Variants in FAIM2 observed in about 807,000 individuals in gnomAD.
FAIM2 encodes Fas apoptotic inhibitory molecule 2.
A neutral mutation model predicts 47.4 loss-of-function variants in FAIM2; 27 were observed. The observed-to-expected ratio is 0.57, with a 90% CI of 0.42 to 0.78. FAIM2 has a LOEUF of 0.78. Ranked by LOEUF, FAIM2 falls within the 30% of genes least tolerant of loss-of-function variation. FAIM2 has a pLI of 0.00. For synonymous variants in FAIM2, 156 were observed against 159.3 expected, an observed-to-expected ratio of 0.98 and a Z score of 0.16; for missense variants, 311 against 389.4, an observed-to-expected ratio of 0.80 and a Z score of 1.69.
chr12:49,897,078 A>G lies in FAIM2; in HGVS notation c.387T>C (p.Pro129=), dbSNP rs777228833. Residue 129 remains proline (P), a synonymous_variant, in exon 5 of 12, where the codon CCT becomes CCC. Coordinates refer to ENST00000320634, the MANE Select transcript of FAIM2 (RefSeq NM_012306.4). ...GGTTGGCCTGGACATAGTCCTTGAC[A>G]GGGTCACTGCAGAGAAGAGAGAGTG... ...AVVALFTFCD[P]VKDYVQANPG... 1.2e-6 allele frequency: 2 copies of G among 1,613,408 alleles called. No individual in the cohort carries two copies. Among genetic ancestry groups the G allele is most frequent in the Admixed American group, 3.3e-5 (2 of 60,030 alleles).
intron 11 of FAIM2, among the ~76,000 whole-genome samples, chr12:49,879,357 CAT>C (rs1462263042): frequency 1.6e-5 from 2 of 128,230 alleles, no homozygotes; most frequent in Non-Finnish European, 3.3e-5. Context: ...CATGTGAGTG[CAT>C]GTGTGTGCAT....
At chr12:49,890,086 G>T (rs201426431) in intron 8 of FAIM2, 31 bp downstream of exon 8, 38 of 1,610,750 alleles carry the variant, frequency 2.4e-5, no homozygotes, top group Non-Finnish European at 3.1e-5. Context: ...CTGGCCTATG[G>T]TCCTTCTCTC....
At position 49,903,800 on chromosome 12, in the gene FAIM2, T is replaced by C; in HGVS notation, c.-8A>G. The C allele has an allele frequency of 6.5e-7, 1 of 1,542,354 alleles. No individual in the cohort carries two copies. The highest frequency in any genetic ancestry group is 1.2e-5 in the South Asian group (1 of 83,170). On this transcript the variant is annotated 5_prime_UTR_variant, in exon 1 of 12. Transcript: ENST00000320634. ...TACCTTTCCCTGGGTCATGGTGCCG[T>C]CTCTCGGGGAAGGGGTCCCTGAGGC...
chr12:49,900,071 AG>A, intron 2 of FAIM2: 1 of 498,860 alleles, frequency 2.0e-6, no homozygotes, highest in African/African-American at 2.0e-5. Flanking sequence ...CCAGGTGGCC[AG>A]GCCACAGAGG....
rs1565613363 is a variant in FAIM2, at chr12:49,878,600, G to GTGTATGTGTGCA, written c.802-7948_802-7947insTGCACACATACA. On this transcript the variant is annotated intron_variant, in intron 11 of 11. Coordinates refer to ENST00000320634, the MANE Select transcript of FAIM2 (RefSeq NM_012306.4). Reference sequence around the variant, plus strand: ...TGTATATGTACATGTGTATGTGTATGTGTGCATGTGTATGTGTGCATATGT... The same window carrying GTGTATGTGTGCA: ...TGTATATGTACATGTGTATGTGTATGTGTATGTGTGCATGTGCATGTGTATGTGTGCATATGT... Among the ~76,000 whole-genome samples, 657 of 124,324 alleles carry GTGTATGTGTGCA rather than the reference G, an allele frequency of 5.3e-3. 112 individuals are homozygous for GTGTATGTGTGCA. The highest frequency in any genetic ancestry group is 0.02 in the African/African-American group (614 of 30,028). 81.6% of individuals were successfully genotyped at this position (124,324 alleles called of 152,430 possible). A position where few individuals can be genotyped will look rare whatever the true frequency, so the allele number is the denominator to read the frequency against.
Position 49,874,581 on chromosome 12 carries a change from T to C in FAIM2, c.802-3928A>G, listed in dbSNP as rs1306897065. Among the ~76,000 whole-genome samples, 1 of 152,202 alleles carries C rather than the reference T, an allele frequency of 6.6e-6. No individual in the cohort carries two copies. The highest frequency in any genetic ancestry group is 1.9e-4 in the East Asian group (1 of 5,186). ...TATCTGGGGCCCAGGCTTATGTCCG[T>C]TGTCCTCCCTGAATGTGGCCCCAGA... On this transcript the variant is annotated intron_variant, in intron 11 of 11. Transcript: ENST00000320634. The surrounding 1 kb of genome is among the most constrained non-coding windows in gnomAD (Gnocchi z 4.2).
At chr12:49,903,469 T>A (rs914716766) in intron 1 of FAIM2, among the ~76,000 whole-genome samples, 1 of 152,120 alleles carries the variant, frequency 6.6e-6, no homozygotes, top group Non-Finnish European at 1.5e-5. Flanking sequence ...ACACATACAG[T>A]CACACCAGAC....
Position 49,868,848 on chromosome 12 carries a change from C to T in FAIM2, c.*1656G>A, listed in dbSNP as rs1946681978. 1 of 152,340 alleles carries T rather than the reference C, an allele frequency of 6.6e-6. No individual in the cohort carries two copies. The highest frequency in any genetic ancestry group is 2.1e-4 in the South Asian group (1 of 4,830). The allele number at this position is 152,340 out of a possible 1,614,324, so 9.4% of individuals were successfully genotyped here. ...GCCTTTGCTGCACACACACCACCCG[C>T]CAGTTCTTGGCTCCTTTTCTCTTCA... On this transcript the variant is annotated 3_prime_UTR_variant, in exon 12 of 12. Transcript: ENST00000320634.
intron 8 of FAIM2, 55 bp from the exon 9 acceptor site, chr12:49,889,623 C>A (rs1032903504): frequency 1.0e-5 from 15 of 1,452,518 alleles, no homozygotes; most frequent in African/African-American, 4.2e-5. Context: ...TGGTCTCCCC[C>A]ACCCTCCTAG....
At chr12:49,877,753 CGT>C (rs1946746832) in intron 11 of FAIM2, among the ~76,000 whole-genome samples, 1 of 151,762 alleles carries the variant, frequency 6.6e-6, no homozygotes, top group Admixed American at 6.6e-5. Context: ...TGTATATATA[CGT>C]GTGTATGTGC....
rs1202348677 is a variant in FAIM2 at position 49,873,411 on chromosome 12, A to C, written c.802-2758T>G. On this transcript the variant is annotated intron_variant, in intron 11 of 11. Transcript: ENST00000320634. ...CTGTGTTTGATTTGGATTCCCAAGCACATTTTCCTTCTGCAGAGAGAATGA... is the reference window on the plus strand; with the variant it reads ...CTGTGTTTGATTTGGATTCCCAAGCCCATTTTCCTTCTGCAGAGAGAATGA... 3.9e-5 allele frequency among the ~76,000 whole-genome samples: 6 copies of C among 152,128 alleles called. No homozygotes were observed. The East Asian group carries it at 1.2e-3, about 29-fold the overall frequency.
chr12:49,889,008 G>A, intron 10 of FAIM2, 99 bp downstream of exon 10: 1 of 864,918 alleles, frequency 1.2e-6, no homozygotes, highest in Non-Finnish European at 1.9e-6. Context: ...TGGGGCCTTG[G>A]CTCCTGGCCT....
At chr12:49,880,611 T>A (rs1946814325) in intron 11 of FAIM2, among the ~76,000 whole-genome samples, 1 of 114,086 alleles carries the variant, frequency 8.8e-6, no homozygotes, top group Admixed American at 9.4e-5. Context: ...TGTGTGCATG[T>A]GAGTGTATGT....
At chr12:49,894,146 G>A (rs967938133) in intron 5 of FAIM2, among the ~76,000 whole-genome samples, 9 of 152,196 alleles carry the variant, frequency 5.9e-5, no homozygotes, top group Admixed American at 2.6e-4. Context: ...CCACTTTAGC[G>A]AAACAAAAAT....
At position 49,870,521 on chromosome 12, in the gene FAIM2, C is replaced by T; in HGVS notation, c.934G>A (p.Gly312Ser). Reference sequence around the variant, plus strand: ...AGGGCTCCTCATTCTCGGTTAGTGCCAAAAAGCTGCAGGAAGAAGGTGAAG... The same window carrying T: ...AGGGCTCCTCATTCTCGGTTAGTGCTAAAAAGCTGCAGGAAGAAGGTGAAG... ...YIFTFFLQLF[G>S]TNRE Residue 312 changes from glycine to serine, a missense_variant, in exon 12 of 12, where the codon GGC becomes AGC. Coordinates refer to ENST00000320634, the MANE Select transcript of FAIM2 (RefSeq NM_012306.4). 4.3e-6 allele frequency: 7 copies of T among 1,613,752 alleles called. No individual in the cohort carries two copies. The highest frequency in any genetic ancestry group is 5.9e-6 in the Non-Finnish European group (7 of 1,179,840).
chr12:49,875,404 C>T (rs942420216), intron 11 of FAIM2, among the ~76,000 whole-genome samples: 14 of 152,162 alleles, frequency 9.2e-5, no homozygotes, highest in African/African-American at 3.1e-4. Context: ...TGTCCAGGTG[C>T]GCCGACTGGG....
At chr12:49,883,523 A>G (rs1946840591) in intron 11 of FAIM2, among the ~76,000 whole-genome samples, 1 of 152,084 alleles carries the variant, frequency 6.6e-6, no homozygotes, top group South Asian at 2.1e-4. Flanking sequence ...GGTTTTGTAC[A>G]TGTGAAGTCT....
intron 2 of FAIM2, among the ~76,000 whole-genome samples, chr12:49,898,950 A>T (rs1946961853): frequency 6.6e-6 from 1 of 152,042 alleles, no homozygotes; most frequent in African/African-American, 2.4e-5. Flanking sequence ...GGGGAAATAA[A>T]GCCAGGACAA....
rs780374364 is a variant in FAIM2, at chr12:49,874,393, C to G, written c.802-3740G>C. Among the ~76,000 whole-genome samples, 1 of 152,080 alleles carries G rather than the reference C, an allele frequency of 6.6e-6. No homozygotes were observed. The highest frequency in any genetic ancestry group is 2.4e-5 in the African/African-American group (1 of 41,420). On this transcript the variant is annotated intron_variant, in intron 11 of 11. Transcript: ENST00000320634. This position sits in a 1 kb window ranked among gnomAD's most constrained non-coding sequence, Gnocchi z 4.2. ...TTGCTGATGGCTGCTTATCGAGTGCCGTCTCCTATGCTGGTGGAGATAGGG... is the reference window on the plus strand; with the variant it reads ...TTGCTGATGGCTGCTTATCGAGTGCGGTCTCCTATGCTGGTGGAGATAGGG...
Sources: gnomAD v4.1 joint callset for allele counts (sites outside exome capture counted in the v4.1 genomes callset) on GRCh38, gnomAD v4.1.1 for gene constraint, Gnocchi (gnomAD v3.1) non-coding constraint, MANE v1.5 for transcripts, NCBI Gene and HGNC (gene_info 2026-07-23, HGNC 2026-07-21) for gene names.